The following CADM2 variants were observed in gnomAD, a reference collection of about 807,000 sequenced individuals.
CADM2 encodes immunoglobulin superfamily member 4D.
In CADM2, 12 loss-of-function variants were observed where a neutral mutation model predicts 49.8. That is an observed-to-expected ratio of 0.24 (90% CI 0.15 to 0.39). The LOEUF (loss-of-function observed/expected upper bound fraction) is 0.39, where lower values mean the gene tolerates loss of function less well. Ranked by LOEUF, CADM2 falls within the 10% of genes least tolerant of loss-of-function variation. The pLI is 1.00. For missense variants in CADM2, 378 were observed against 492.3 expected (o/e 0.77, Z 2.20); for synonymous variants, 214 against 175.4 (o/e 1.22, Z -1.74).
rs572809902 is a variant in CADM2, at chr3:85,321,450, G to A, written c.61+361782G>A. Among the ~76,000 whole-genome samples, 3 of 151,712 alleles carry A rather than the reference G, an allele frequency of 2.0e-5. No individual in the cohort carries two copies. In the East Asian group the frequency reaches 5.8e-4, roughly 29 times the overall value. ...TCCACCTGCCTCATCCTCCCAAAGTGCTGGGATTACAAACATGAGCCACTG... is the reference window on the plus strand; with the variant it reads ...TCCACCTGCCTCATCCTCCCAAAGTACTGGGATTACAAACATGAGCCACTG... On this transcript the variant is annotated intron_variant, in intron 1 of 9. Transcript: ENST00000383699.
At chr3:86,014,126 G>C in intron 8 of CADM2, 14 of 1,280,916 alleles carry the variant, frequency 1.1e-5, no homozygotes, top group Non-Finnish European at 1.4e-5. Context: ...GGACACGCAG[G>C]CATGATGCTT....
chr3:85,004,274 T>A (rs1872553), intron 1 of CADM2, among the ~76,000 whole-genome samples: 77,459 of 151,922 alleles, frequency 0.51, 20,032 homozygotes, highest in Admixed American at 0.59. Flanking sequence ...AACACAAATA[T>A]CTTTTTCTCA....
At chr3:85,282,268 C>CCT (rs2043520184) in intron 1 of CADM2, among the ~76,000 whole-genome samples, 1 of 106,462 alleles carries the variant, frequency 9.4e-6, no homozygotes, top group African/African-American at 4.5e-5. Flanking sequence ...TTTTTTTTGC[C>CCT]TTTTTTTTTT....
rs187109527 is a variant in CADM2 at position 85,499,012 on chromosome 3, G to A, written c.62-227510G>A. ...TGTTTTCATGTATATTATATTCAGG[G>A]AGCCAGGATTTTATTGATTTCAAAA... On this transcript the variant is annotated intron_variant, in intron 1 of 9. Coordinates refer to ENST00000383699, the MANE Select transcript of CADM2 (RefSeq NM_001167675.2). Among the ~76,000 whole-genome samples, 241 of 152,126 alleles carry A rather than the reference G, an allele frequency of 1.6e-3. 2 individuals carry two copies. Among genetic ancestry groups the A allele is most frequent in the South Asian group, 6.6e-3 (32 of 4,816 alleles).
chr3:86,048,688 T>C (rs1306533491), intron 8 of CADM2, among the ~76,000 whole-genome samples: 1 of 152,146 alleles, frequency 6.6e-6, no homozygotes, highest in Admixed American at 6.5e-5. Flanking sequence ...CCATTAACAA[T>C]GTTCTTAAGC....
At chr3:85,407,096 A>G (rs1412997322) in intron 1 of CADM2, among the ~76,000 whole-genome samples, 2 of 152,028 alleles carry the variant, frequency 1.3e-5, no homozygotes, top group Non-Finnish European at 1.5e-5. Flanking sequence ...CAGCTACTGG[A>G]AAGTCTAAGG....
intron 1 of CADM2, among the ~76,000 whole-genome samples, chr3:85,623,736 G>T (rs191876983): frequency 3.5e-4 from 54 of 152,224 alleles, no homozygotes; most frequent in East Asian, 3.9e-4. Flanking sequence ...TGGTCGCTGA[G>T]TAAATTTAAT....
At chr3:85,779,162 G>T (rs543444702) in intron 2 of CADM2, among the ~76,000 whole-genome samples, 19 of 151,376 alleles carry the variant, frequency 1.3e-4, no homozygotes, top group African/African-American at 4.4e-4. Flanking sequence ...GCATATTTTT[G>T]GTCAAAGGAG....
chr3:85,006,309 A>G (rs915646355), intron 1 of CADM2, among the ~76,000 whole-genome samples: 2 of 152,154 alleles, frequency 1.3e-5, no homozygotes, highest in Admixed American at 6.6e-5. Flanking sequence ...TGGGAAGTAG[A>G]TTGGCTGTTT....
intron 1 of CADM2, among the ~76,000 whole-genome samples, chr3:85,388,058 C>T (rs1174217915): frequency 6.6e-6 from 1 of 152,140 alleles, no homozygotes; most frequent in Admixed American, 6.6e-5. Flanking sequence ...AGTTAACTGG[C>T]TCTCCAGGGA....
intron 5 of CADM2, among the ~76,000 whole-genome samples, chr3:85,897,520 C>CG (rs2108438789): frequency 6.6e-6 from 1 of 151,508 alleles, no homozygotes; most frequent in South Asian, 2.1e-4. Flanking sequence ...CCACCCGCCT[C>CG]GGCCTCCCAA....
intron 1 of CADM2, among the ~76,000 whole-genome samples, chr3:85,344,250 A>C (rs765667937): frequency 2.0e-5 from 3 of 151,522 alleles, no homozygotes; most frequent in Admixed American, 1.3e-4. Flanking sequence ...GCGTGGTGGC[A>C]GGCACCTGTA....
At chr3:85,975,164 A>G (rs997950225) in intron 8 of CADM2, among the ~76,000 whole-genome samples, 11 of 151,518 alleles carry the variant, frequency 7.3e-5, no homozygotes, top group African/African-American at 2.2e-4. Context: ...TTCATTTCAT[A>G]TCCTATCTAA....
chr3:85,646,543 T>C (rs1294853685), intron 1 of CADM2, among the ~76,000 whole-genome samples: 1 of 151,992 alleles, frequency 6.6e-6, no homozygotes, highest in Non-Finnish European at 1.5e-5. Flanking sequence ...CTGTATCAAC[T>C]GATTTTAGAG....
intron 1 of CADM2, among the ~76,000 whole-genome samples, chr3:85,624,750 C>A (rs945976415): frequency 4.6e-5 from 7 of 151,972 alleles, no homozygotes; most frequent in African/African-American, 1.7e-4. Context: ...TTGAAGATCA[C>A]CTGGAAAAAT....
chr3:85,165,116 A>G (rs113619244), intron 1 of CADM2, among the ~76,000 whole-genome samples: 2 of 151,806 alleles, frequency 1.3e-5, no homozygotes, highest in African/African-American at 4.8e-5. Flanking sequence ...TATTAAATAT[A>G]ATTAATCATG....
chr3:85,216,302 A>G (rs921372086), intron 1 of CADM2, among the ~76,000 whole-genome samples: 1 of 144,874 alleles, frequency 6.9e-6, no homozygotes, highest in Non-Finnish European at 1.5e-5. Context: ...TAATATATTT[A>G]TATATATTTA....
chr3:85,087,440 T>A (rs2037422590), intron 1 of CADM2, among the ~76,000 whole-genome samples: 1 of 152,186 alleles, frequency 6.6e-6, no homozygotes, highest in Non-Finnish European at 1.5e-5. Flanking sequence ...ATTAAAAATG[T>A]TCAGTGAGCT....
intron 2 of CADM2, chr3:85,800,957 G>A (rs1250417950): frequency 6.6e-6 from 1 of 152,114 alleles, no homozygotes; most frequent in East Asian, 1.9e-4. Context: ...CAAAACTAAA[G>A]AAGAAAAGGA....
Sources: gnomAD v4.1 joint callset for allele counts (sites outside exome capture counted in the v4.1 genomes callset) on GRCh38, gnomAD v4.1.1 for gene constraint, MANE v1.5 for transcripts, NCBI Gene and HGNC (gene_info 2026-07-23, HGNC 2026-07-21) for gene names.